Variants in PVT1 observed in about 807,000 individuals in gnomAD.
PVT1 encodes the protein Pvt1 oncogene.
chr8:127,988,532 C>T (rs542027069), intron 3 of PVT1, among the ~76,000 whole-genome samples: 1 of 152,334 alleles, frequency 6.6e-6, no homozygotes, highest in East Asian at 1.9e-4. Flanking sequence ...CCCCTTTTGA[C>T]CACCTCATCT....
intron 4 of PVT1, among the ~76,000 whole-genome samples, chr8:128,024,093 A>G (rs2130059028): frequency 6.6e-6 from 1 of 152,324 alleles, no homozygotes; most frequent in South Asian, 2.1e-4. Flanking sequence ...ACAGCAAAGG[A>G]CAGCCTCTTA....
chr8:127,840,005 G>A (rs551375764), intron 2 of PVT1, among the ~76,000 whole-genome samples: 1 of 152,330 alleles, frequency 6.6e-6, no homozygotes, highest in South Asian at 2.1e-4. Flanking sequence ...ACAGGCATCT[G>A]CTTCTTGGCA....
At chr8:127,853,786 A>G (rs981584406) in intron 2 of PVT1, among the ~76,000 whole-genome samples, 3 of 150,548 alleles carry the variant, frequency 2.0e-5, no homozygotes, top group African/African-American at 7.3e-5. Context: ...AAACAAAAAC[A>G]AAACAAAACA....
chr8:127,886,747 C>A (rs187291439), intron 2 of PVT1, among the ~76,000 whole-genome samples: 40 of 152,162 alleles, frequency 2.6e-4, no homozygotes, highest in Admixed American at 5.2e-4. Context: ...CTTAAAAAAC[C>A]CTTGTCTGCT....
At chr8:127,993,343 C>G (rs1311471962) in intron 4 of PVT1, among the ~76,000 whole-genome samples, 3 of 152,224 alleles carry the variant, frequency 2.0e-5, no homozygotes, top group Admixed American at 2.0e-4. Context: ...GCTGCGCCAC[C>G]ACCTGAAAAC....
At chr8:127,948,685 T>A (rs1816457925) in intron 3 of PVT1, 1 of 151,810 alleles carries the variant, frequency 6.6e-6, no homozygotes, top group Non-Finnish European at 1.5e-5. Context: ...AAAGGAGGAG[T>A]GAAGACCACG....
intron 2 of PVT1, among the ~76,000 whole-genome samples, chr8:127,814,334 A>G (rs969706662): frequency 6.6e-6 from 1 of 152,246 alleles, no homozygotes; most frequent in South Asian, 2.1e-4. Context: ...CTGACGCGTC[A>G]GCCGGGGAGG....
intron 2 of PVT1, among the ~76,000 whole-genome samples, chr8:127,880,807 G>T (rs1304831761): frequency 6.6e-6 from 1 of 151,972 alleles, no homozygotes. Context: ...TGCCATGCTG[G>T]CCAGGCTGGT....
chr8:127,914,043 A>C (rs1815945688), intron 3 of PVT1, among the ~76,000 whole-genome samples: 1 of 152,136 alleles, frequency 6.6e-6, no homozygotes, highest in Non-Finnish European at 1.5e-5. Context: ...ACACTTGCTC[A>C]AAACATTAGT....
chr8:127,880,592 G>T (rs1428187754), intron 2 of PVT1, among the ~76,000 whole-genome samples: 1 of 132,456 alleles, frequency 7.5e-6, no homozygotes, highest in South Asian at 2.4e-4. Flanking sequence ...CATCGCCCCC[G>T]GCCCTTTTTT....
intron 4 of PVT1, among the ~76,000 whole-genome samples, chr8:128,064,022 G>A (rs770812914): frequency 5.9e-5 from 9 of 152,042 alleles, no homozygotes; most frequent in Non-Finnish European, 4.4e-5. Context: ...CCATCCCCAC[G>A]GATGAGTTAA....
At chr8:127,923,747 G>A (rs531789054) in intron 3 of PVT1, among the ~76,000 whole-genome samples, 4 of 152,152 alleles carry the variant, frequency 2.6e-5, no homozygotes, top group South Asian at 4.1e-4. Flanking sequence ...CCTAACCCAG[G>A]GGCACATGGA....
At chr8:127,960,214 CTCCCTTT>C (rs1230368803) in intron 3 of PVT1, among the ~76,000 whole-genome samples, 1 of 152,190 alleles carries the variant, frequency 6.6e-6, no homozygotes, top group Non-Finnish European at 1.5e-5. Flanking sequence ...CGTGAGTCTA[CTCCCTTT>C]TTTGAACAGA....
intron 5 of PVT1, among the ~76,000 whole-genome samples, chr8:128,074,787 A>C (rs1283934929): frequency 3.9e-5 from 6 of 152,214 alleles, no homozygotes; most frequent in Non-Finnish European, 7.3e-5. Context: ...TTCAAATCAA[A>C]TGCTTGAGAT....
intron 4 of PVT1, among the ~76,000 whole-genome samples, chr8:128,041,412 T>C (rs1266756896): frequency 2.0e-5 from 3 of 151,034 alleles, no homozygotes; most frequent in South Asian, 2.1e-4. Context: ...TGTGCATGTG[T>C]GTTTGTGCTC....
At chr8:127,934,264 A>G (rs1816245430) in intron 3 of PVT1, among the ~76,000 whole-genome samples, 1 of 152,202 alleles carries the variant, frequency 6.6e-6, no homozygotes, top group Non-Finnish European at 1.5e-5. Flanking sequence ...GTTTAACAAA[A>G]ATTTATTGAA....
At chr8:127,979,269 A>G (rs1816857841) in intron 3 of PVT1, among the ~76,000 whole-genome samples, 1 of 152,262 alleles carries the variant, frequency 6.6e-6, no homozygotes, top group Non-Finnish European at 1.5e-5. Flanking sequence ...TCATCCACGC[A>G]TTCAAACGAT....
intron 3 of PVT1, among the ~76,000 whole-genome samples, chr8:127,958,486 G>C (rs1045961411): frequency 6.6e-6 from 1 of 152,168 alleles, no homozygotes; most frequent in Non-Finnish European, 1.5e-5. Flanking sequence ...GCATCCGCCT[G>C]CTTTGGCCTC....
chr8:127,834,142 G>A (rs1350657424), intron 2 of PVT1, among the ~76,000 whole-genome samples: 1 of 152,094 alleles, frequency 6.6e-6, no homozygotes, highest in Admixed American at 6.6e-5. Flanking sequence ...AGTTCACTGA[G>A]TCTGCTTAAA....
Sources: allele counts gnomAD v4.1 joint callset (sites outside exome capture counted in the v4.1 genomes callset), GRCh38; gene constraint gnomAD v4.1.1; transcripts MANE v1.5; gene names NCBI Gene and HGNC (gene_info 2026-07-23, HGNC 2026-07-21).